IGF2R: variants seen among roughly 807,000 people sequenced by gnomAD.
The protein encoded by IGF2R is cation-independent mannose-6-phosphate receptor.
A neutral mutation model predicts 270.6 loss-of-function variants in IGF2R; 91 were observed. The observed-to-expected ratio is 0.34, with a 90% CI of 0.28 to 0.40. The LOEUF (loss-of-function observed/expected upper bound fraction) is 0.40, where lower values mean the gene tolerates loss of function less well. IGF2R is among the 10% of genes least tolerant of loss of function. The probability of loss-of-function intolerance (pLI) is 1.00; values close to 1 mark genes in which losing one functional copy is unlikely to be tolerated. For synonymous variants in IGF2R, 1,316 were observed against 1,258.9 expected, an observed-to-expected ratio of 1.05 and a Z score of -0.96; for missense variants, 2,805 against 3,188.3, an observed-to-expected ratio of 0.88 and a Z score of 2.90.
rs1261404057 is a variant in IGF2R, at chr6:160,050,411, A to G, written c.2515-62A>G. On this transcript the variant is annotated intron_variant, in intron 18 of 47. Transcript: ENST00000356956. This position sits in a 1 kb window ranked among gnomAD's most constrained non-coding sequence, Gnocchi z 4.0. ...TGCAGCTTTATAGAATGTAACCACCACCAATAACGAATCGACTGTATCTTC... is the reference window on the plus strand; with the variant it reads ...TGCAGCTTTATAGAATGTAACCACCGCCAATAACGAATCGACTGTATCTTC... 1.0e-5 allele frequency: 15 copies of G among 1,481,294 alleles called. No homozygotes were observed. In the Admixed American group the frequency reaches 2.6e-4, roughly 26 times the overall value. 91.8% of individuals were successfully genotyped at this position (1,481,294 alleles called of 1,614,324 possible).
intron 1 of IGF2R, among the ~76,000 whole-genome samples, chr6:159,981,324 AGT>A (rs1783799287): frequency 2.6e-5 from 4 of 151,110 alleles, no homozygotes; most frequent in African/African-American, 7.3e-5. Flanking sequence ...TGTGAGTGCA[AGT>A]GTGTGTGTCT....
At chr6:160,022,023 C>T (rs1777449773) in intron 4 of IGF2R, among the ~76,000 whole-genome samples, 1 of 151,620 alleles carries the variant, frequency 6.6e-6, no homozygotes, top group South Asian at 2.1e-4. Context: ...AACACACACA[C>T]ACACACACAC....
chr6:160,023,212 G>A (rs1037193440), intron 4 of IGF2R, among the ~76,000 whole-genome samples: 1 of 152,156 alleles, frequency 6.6e-6, no homozygotes, highest in African/African-American at 2.4e-5. Flanking sequence ...GAGGTGATAA[G>A]TAGGGAGTGG....
intron 27 of IGF2R, among the ~76,000 whole-genome samples, 178 bp from the exon 28 acceptor site, chr6:160,064,223 G>A (rs1430457368): frequency 6.6e-6 from 1 of 152,198 alleles, no homozygotes; most frequent in East Asian, 1.9e-4. Flanking sequence ...CCTTGGACAA[G>A]GGGAAGCCTG....
intron 1 of IGF2R, among the ~76,000 whole-genome samples, chr6:159,975,274 A>G (rs938038272): frequency 1.3e-5 from 2 of 152,208 alleles, no homozygotes; most frequent in African/African-American, 4.8e-5. Flanking sequence ...TTAGCAGTTT[A>G]TGAGGATATT....
At chr6:160,019,005 A>C (rs944713253) in intron 4 of IGF2R, among the ~76,000 whole-genome samples, 1 of 152,212 alleles carries the variant, frequency 6.6e-6, no homozygotes, top group African/African-American at 2.4e-5. Flanking sequence ...TGCAGTACAA[A>C]GGATAAAAAA....
At chr6:159,975,702 A>ATAT (rs61371802) in intron 1 of IGF2R, among the ~76,000 whole-genome samples, 2 of 145,470 alleles carry the variant, frequency 1.4e-5, no homozygotes, top group East Asian at 3.9e-4. Context: ...ATATATATAT[A>ATAT]AAGTATATGT....
intron 11 of IGF2R, among the ~76,000 whole-genome samples, chr6:160,041,498 A>C (rs1441015268): frequency 6.6e-6 from 1 of 152,136 alleles, no homozygotes; most frequent in East Asian, 1.9e-4. Context: ...GGGTGAGGGG[A>C]GGGAACTTAG....
At chr6:160,014,065 A>T (rs1753677567) in intron 4 of IGF2R, among the ~76,000 whole-genome samples, 2 of 152,200 alleles carry the variant, frequency 1.3e-5, no homozygotes, top group South Asian at 4.2e-4. Flanking sequence ...TTGATGGGCA[A>T]AAATCATGGT....
intron 1 of IGF2R, among the ~76,000 whole-genome samples, chr6:159,979,059 C>G (rs1028072900): frequency 5.9e-5 from 9 of 152,124 alleles, no homozygotes; most frequent in African/African-American, 2.2e-4. Context: ...TGCCTGTGGG[C>G]TATGGCCTAG....
At chr6:160,097,478 T>C (rs924397116) in intron 45 of IGF2R, among the ~76,000 whole-genome samples, 2 of 152,130 alleles carry the variant, frequency 1.3e-5, no homozygotes, top group Non-Finnish European at 2.9e-5. Flanking sequence ...TGCAGGCATG[T>C]GTCATTATGC....
Position 160,072,806 on chromosome 6 carries a change from T to A in IGF2R, c.4612T>A (p.Phe1538Ile). Residue 1538 changes from phenylalanine to isoleucine, a missense_variant, in exon 33 of 48, where the codon TTC becomes ATC. Physicochemically the swap from Phe to Ile is conservative, Grantham distance 21 (BLOSUM62 0). Coordinates refer to ENST00000356956, the MANE Select transcript of IGF2R (RefSeq NM_000876.4). ...GAGCTCCTTAAGTGGCAGGGCGGGA[T>A]TCACAGCTGCTTACAGCGAGAAGGG... ...DLSSLSGRAG[F>I]TAAYSEKGLV... The A allele has an allele frequency of 6.2e-7, 1 of 1,614,180 alleles. No individual in the cohort carries two copies. The highest frequency in any genetic ancestry group is 8.5e-7 in the Non-Finnish European group (1 of 1,180,018).
intron 1 of IGF2R, among the ~76,000 whole-genome samples, chr6:159,988,785 C>T (rs1783930876): frequency 6.6e-6 from 1 of 151,992 alleles, no homozygotes; most frequent in Non-Finnish European, 1.5e-5. Flanking sequence ...TATCTTGTAT[C>T]CTGCAACCTG....
chr6:160,019,703 A>T (rs1327998338), intron 4 of IGF2R, among the ~76,000 whole-genome samples: 2 of 152,006 alleles, frequency 1.3e-5, no homozygotes, highest in South Asian at 2.1e-4. Context: ...TAAACAATTT[A>T]AAAAAAAGTC....
chr6:160,022,989 G>C (rs1314995146), intron 4 of IGF2R, among the ~76,000 whole-genome samples: 1 of 152,126 alleles, frequency 6.6e-6, no homozygotes, highest in Non-Finnish European at 1.5e-5. Flanking sequence ...AGGTTAGGGC[G>C]GTGTCATGAA....
At chr6:160,061,226 G>T (rs571373350) in intron 23 of IGF2R, among the ~76,000 whole-genome samples, 1 of 152,246 alleles carries the variant, frequency 6.6e-6, no homozygotes, top group Admixed American at 6.5e-5. Context: ...GCCCAGGCTG[G>T]CCTTGAACTC....
At chr6:160,010,946 T>C (rs1342090560) in intron 4 of IGF2R, among the ~76,000 whole-genome samples, 161 bp downstream of exon 4, 3 of 152,116 alleles carry the variant, frequency 2.0e-5, no homozygotes. Context: ...CTTTTCTGAG[T>C]GGTTCTTATT....
At chr6:160,062,445 T>C in intron 25 of IGF2R, 87 bp from the exon 26 acceptor site, 1 of 979,616 alleles carries the variant, frequency 1.0e-6, no homozygotes. Flanking sequence ...GTGCTGAGAT[T>C]ACAGGTGTGA....
rs770582266 is a variant in IGF2R, at chr6:160,064,790, C to G, written c.4018-14C>G. Reference sequence around the variant, plus strand: ...CATTCTCACTTTTATATATGTGCCTCTTAACTTTTTTAGCCAGTATTTCTA... The same window carrying G: ...CATTCTCACTTTTATATATGTGCCTGTTAACTTTTTTAGCCAGTATTTCTA... On this transcript the variant is annotated splice_polypyrimidine_tract_variant and intron_variant, in intron 28 of 47. Transcript: ENST00000356956. 7.6e-6 allele frequency: 12 copies of G among 1,582,814 alleles called. No individual in the cohort carries two copies. Among genetic ancestry groups the G allele is most frequent in the Non-Finnish European group, 1.0e-5 (12 of 1,151,688 alleles).
Sources: allele counts gnomAD v4.1 joint callset (sites outside exome capture counted in the v4.1 genomes callset), GRCh38; gene constraint gnomAD v4.1.1; non-coding constraint Gnocchi (gnomAD v3.1); transcripts MANE v1.5; gene names NCBI Gene and HGNC (gene_info 2026-07-23, HGNC 2026-07-21).